SOX5: variants seen among roughly 807,000 people sequenced by gnomAD.
SOX5 encodes the protein transcription factor SOX-5.
A neutral mutation model predicts 92.0 loss-of-function variants in SOX5; 9 were observed. That is an observed-to-expected ratio of 0.10 (90% confidence interval 0.06 to 0.17). SOX5 has a LOEUF of 0.17. Ranked by LOEUF, SOX5 falls within the 10% of genes least tolerant of loss-of-function variation. SOX5 has a pLI of 1.00. For synonymous variants in SOX5, 344 were observed against 336.3 expected (o/e 1.02, Z -0.25); for missense variants, 642 against 944.5 (o/e 0.68, Z 4.20).
chr12:23,843,498 A>G (rs574506380), intron 3 of SOX5, among the ~76,000 whole-genome samples: 2 of 150,972 alleles, frequency 1.3e-5, no homozygotes, highest in African/African-American at 2.4e-5. Context: ...AAGTGAATGT[A>G]TAAATTACAA....
At chr12:23,860,609 C>A (rs563511837) in intron 2 of SOX5, among the ~76,000 whole-genome samples, 4 of 152,288 alleles carry the variant, frequency 2.6e-5, no homozygotes, top group African/African-American at 4.8e-5. Flanking sequence ...AGATGCCATA[C>A]AATCTCCCTC....
rs569202424 is a variant in SOX5, at chr12:24,235,874, C to T, written c.-76-22457G>A. ...AATTTGTAACTAATAGACAACTTTG[C>T]ATGATCCATTCTGGCAGTAATAAAG... On this transcript the variant is annotated intron_variant, in intron 3 of 4. Coordinates refer to the SOX5 transcript ENST00000446891. Among the ~76,000 whole-genome samples, 9 of 152,196 alleles carry T rather than the reference C, an allele frequency of 5.9e-5. No homozygotes were observed. The South Asian group carries it at 1.9e-3, about 32-fold the overall frequency.
chr12:24,562,524 C>G (rs961199418), upstream of SOX5: 2 of 153,570 alleles, frequency 1.3e-5, no homozygotes, highest in Admixed American at 6.5e-5. Context: ...CTCTCTCCCC[C>G]CGTCTCTCGC....
chr12:23,685,930 G>A (rs2087482577), intron 6 of SOX5, among the ~76,000 whole-genome samples: 1 of 152,120 alleles, frequency 6.6e-6, no homozygotes, highest in Non-Finnish European at 1.5e-5. Context: ...AGTAATGCAC[G>A]AGCCTATTCC....
At chr12:23,866,745 G>A (rs144239955) in intron 2 of SOX5, among the ~76,000 whole-genome samples, 2 of 151,990 alleles carry the variant, frequency 1.3e-5, no homozygotes, top group African/African-American at 2.4e-5. Flanking sequence ...ATCCTTCTCC[G>A]AGGCATTGCC....
At chr12:24,356,702 C>G (rs73064458) in intron 2 of SOX5, among the ~76,000 whole-genome samples, 1 of 152,156 alleles carries the variant, frequency 6.6e-6, no homozygotes, top group African/African-American at 2.4e-5. Flanking sequence ...GGACTTCATT[C>G]TTTTCACCCA....
At chr12:23,841,001 T>C (rs1462993686) in intron 3 of SOX5, among the ~76,000 whole-genome samples, 1 of 152,092 alleles carries the variant, frequency 6.6e-6, no homozygotes, top group South Asian at 2.1e-4. Context: ...TTATTAAAAT[T>C]AAAATGTTTA....
At chr12:24,320,594 G>T (rs1390568417) in intron 2 of SOX5, among the ~76,000 whole-genome samples, 3 of 152,054 alleles carry the variant, frequency 2.0e-5, no homozygotes, top group African/African-American at 7.2e-5. Context: ...GTCTGGGCGC[G>T]GTGGCTCACG....
At chr12:23,986,017 A>G (rs113566339) in intron 4 of SOX5, among the ~76,000 whole-genome samples, 26 of 152,180 alleles carry the variant, frequency 1.7e-4, no homozygotes, top group African/African-American at 5.5e-4. Flanking sequence ...TTGTGATTAC[A>G]TTGGGCACAT....
chr12:23,606,215 C>T (rs1440280437), intron 8 of SOX5, among the ~76,000 whole-genome samples: 2 of 151,826 alleles, frequency 1.3e-5, no homozygotes, highest in Non-Finnish European at 2.9e-5. Flanking sequence ...TAGGATATCA[C>T]TTTACAGATT....
At chr12:24,262,054 G>A (rs918395889) in intron 3 of SOX5, among the ~76,000 whole-genome samples, 8 of 152,190 alleles carry the variant, frequency 5.3e-5, no homozygotes, top group Non-Finnish European at 8.8e-5. Context: ...AAAGAGTACC[G>A]ATTAGGTATA....
Position 24,498,329 on chromosome 12 carries a change from A to G in SOX5, c.-251+64000T>C, listed in dbSNP as rs952043442. Among the ~76,000 whole-genome samples the G allele has an allele frequency of 2.0e-5, 3 of 152,224 alleles. No homozygotes were observed. In the East Asian group the frequency reaches 5.8e-4, roughly 29 times the overall value. On this transcript the variant is annotated intron_variant, in intron 1 of 4. Coordinates refer to the SOX5 transcript ENST00000446891. ...TTAAGTAACTTTCCAAAGAACTAGC[A>G]AATCAGTGATAGGACTGAGTTTCCA...
At chr12:24,277,983 G>C (rs1370612864) in intron 2 of SOX5, among the ~76,000 whole-genome samples, 3 of 152,078 alleles carry the variant, frequency 2.0e-5, no homozygotes, top group African/African-American at 7.2e-5. Flanking sequence ...TTCTGGCTTT[G>C]TTACCAATTT....
chr12:24,325,498 G>A (rs1167446490), intron 2 of SOX5, among the ~76,000 whole-genome samples: 1 of 152,118 alleles, frequency 6.6e-6, no homozygotes, highest in East Asian at 1.9e-4. Context: ...TACACAATGA[G>A]CCTTGATTTA....
intron 2 of SOX5, among the ~76,000 whole-genome samples, chr12:24,347,303 T>A (rs1363098204): frequency 1.3e-5 from 2 of 152,190 alleles, no homozygotes; most frequent in African/African-American, 2.4e-5. Flanking sequence ...TATACCATTT[T>A]ATATCAAGGA....
At chr12:23,993,596 C>T (rs749105289) in intron 4 of SOX5, among the ~76,000 whole-genome samples, 1 of 152,182 alleles carries the variant, frequency 6.6e-6, no homozygotes, top group Non-Finnish European at 1.5e-5. Flanking sequence ...CAACATACTC[C>T]TCCATTGTGC....
At chr12:24,184,964 A>G (rs1001152706) in intron 4 of SOX5, among the ~76,000 whole-genome samples, 3 of 152,154 alleles carry the variant, frequency 2.0e-5, no homozygotes, top group African/African-American at 7.2e-5. Context: ...CAGTTAGTCA[A>G]TCAACAAGTA....
chr12:23,882,501 T>C (rs191501197), intron 2 of SOX5, among the ~76,000 whole-genome samples: 6 of 152,176 alleles, frequency 3.9e-5, no homozygotes, highest in Admixed American at 2.6e-4. Context: ...TTCCAAAATA[T>C]TGTTTGGTAT....
Position 24,409,119 on chromosome 12 carries a change from T to C in SOX5, c.-250-40480A>G, listed in dbSNP as rs186900751. 1.1e-3 allele frequency among the ~76,000 whole-genome samples: 160 copies of C among 152,282 alleles called. 2 individuals are homozygous for C. Among genetic ancestry groups the C allele is most frequent in the East Asian group, 3.9e-3 (20 of 5,188 alleles). ...GACTGGATAAAGAAAATATGGTACA[T>C]ATACATCATGGAATACTATGCAGCC... On this transcript the variant is annotated intron_variant, in intron 1 of 4. Transcript: ENST00000446891.
Sources: allele counts gnomAD v4.1 joint callset (sites outside exome capture counted in the v4.1 genomes callset), GRCh38; gene constraint gnomAD v4.1.1; transcripts MANE v1.5; gene names NCBI Gene and HGNC (gene_info 2026-07-23, HGNC 2026-07-21).